Variants in RBFOX1 observed in about 807,000 individuals in gnomAD.
RBFOX1 encodes RNA binding protein fox-1 homolog 1.
A neutral mutation model predicts 57.7 loss-of-function variants in RBFOX1; 8 were observed. The ratio of observed to expected loss-of-function variants is 0.14; its 90% CI spans 0.08 to 0.25. RBFOX1 has a LOEUF of 0.25. Among genes scored for constraint, RBFOX1 ranks in the 10% least tolerant of loss-of-function variants. The probability of loss-of-function intolerance (pLI) is 1.00; values close to 1 mark genes in which losing one functional copy is unlikely to be tolerated. For missense variants in RBFOX1, 611 were observed against 548.5 expected (o/e 1.11, Z -1.14); for synonymous variants, 326 against 222.4 (o/e 1.47, Z -4.15).
intron 1 of RBFOX1, among the ~76,000 whole-genome samples, chr16:6,315,010 G>A (rs901096118): frequency 6.6e-6 from 1 of 152,210 alleles, no homozygotes; most frequent in Non-Finnish European, 1.5e-5. Flanking sequence ...CCACTGGACT[G>A]TAGGCACCAA....
intron 3 of RBFOX1, among the ~76,000 whole-genome samples, chr16:5,656,282 A>G (rs2049427918): frequency 6.6e-6 from 1 of 152,164 alleles, no homozygotes; most frequent in East Asian, 1.9e-4. Context: ...AGGATGAAAA[A>G]AGTAATGTCT....
intron 11 of RBFOX1, among the ~76,000 whole-genome samples, chr16:7,641,576 G>A (rs918634663): frequency 6.6e-6 from 1 of 152,140 alleles, no homozygotes; most frequent in African/African-American, 2.4e-5. Context: ...AAACAGAAAG[G>A]CACAACCATC....
chr16:6,900,317 C>T (rs1248207233), intron 3 of RBFOX1, among the ~76,000 whole-genome samples: 1 of 152,184 alleles, frequency 6.6e-6, no homozygotes, highest in Non-Finnish European at 1.5e-5. Flanking sequence ...TTCCAAGTTG[C>T]CATCATCTCC....
At chr16:6,717,583 C>CTT (rs57111084) in intron 3 of RBFOX1, among the ~76,000 whole-genome samples, 11,572 of 143,004 alleles carry the variant, frequency 0.081, 627 homozygotes, top group East Asian at 0.32. Flanking sequence ...ATGCTGAAGT[C>CTT]TTTTTTTTTT....
chr16:6,172,381 C>T (rs149410509), intron 1 of RBFOX1, among the ~76,000 whole-genome samples: 5 of 152,316 alleles, frequency 3.3e-5, no homozygotes, highest in African/African-American at 7.2e-5. Flanking sequence ...AGCCCAACCT[C>T]TGCTTCATCT....
At chr16:7,576,686 A>G (rs2152815416) in intron 5 of RBFOX1, among the ~76,000 whole-genome samples, 1 of 152,360 alleles carries the variant, frequency 6.6e-6, no homozygotes, top group African/African-American at 2.4e-5. Flanking sequence ...TTTTCACATG[A>G]GCGGTATAAT....
chr16:5,994,067 T>C (rs894888466), intron 4 of RBFOX1, among the ~76,000 whole-genome samples: 3 of 152,156 alleles, frequency 2.0e-5, no homozygotes, highest in Non-Finnish European at 4.4e-5. Flanking sequence ...TGATGCAGGA[T>C]GGGAATGGAG....
At chr16:7,572,566 G>A (rs1229628651) in intron 5 of RBFOX1, among the ~76,000 whole-genome samples, 9 of 152,142 alleles carry the variant, frequency 5.9e-5, no homozygotes, top group African/African-American at 9.7e-5. Flanking sequence ...TAGGCTGGGC[G>A]CGGTGGCTCA....
intron 2 of RBFOX1, among the ~76,000 whole-genome samples, chr16:6,598,237 G>C (rs2097797635): frequency 6.6e-6 from 1 of 152,138 alleles, no homozygotes; most frequent in Non-Finnish European, 1.5e-5. Flanking sequence ...TTTCTAACTT[G>C]CCTTTTTTTC....
At chr16:6,856,313 C>G (rs1001459552) in intron 3 of RBFOX1, among the ~76,000 whole-genome samples, 1 of 152,094 alleles carries the variant, frequency 6.6e-6, no homozygotes, top group African/African-American at 2.4e-5. Flanking sequence ...GTTCTATTCC[C>G]AATTCATATT....
At chr16:5,246,147 C>T (rs566047356) in intron 1 of RBFOX1, among the ~76,000 whole-genome samples, 1 of 152,266 alleles carries the variant, frequency 6.6e-6, no homozygotes, top group African/African-American at 2.4e-5. Context: ...GAGGCTGAGG[C>T]AGGAGAATCA....
chr16:6,965,731 A>G (rs1034781963), intron 3 of RBFOX1, among the ~76,000 whole-genome samples: 4 of 152,216 alleles, frequency 2.6e-5, no homozygotes, highest in African/African-American at 4.8e-5. Context: ...CCAAATGGGA[A>G]TGATAATAAT....
At chr16:6,316,179 C>A (rs755055402) in intron 1 of RBFOX1, among the ~76,000 whole-genome samples, 1 of 149,116 alleles carries the variant, frequency 6.7e-6, no homozygotes, top group South Asian at 2.1e-4. Context: ...AGTATCCCAA[C>A]CCCCTTGGGT....
intron 3 of RBFOX1, among the ~76,000 whole-genome samples, chr16:6,915,873 A>G (rs1441830459): frequency 6.6e-6 from 1 of 152,132 alleles, no homozygotes; most frequent in African/African-American, 2.4e-5. Context: ...TTATAGTTGA[A>G]TAATTCTCCT....
At chr16:6,406,944 C>T (rs1017309527) in intron 2 of RBFOX1, among the ~76,000 whole-genome samples, 4 of 152,164 alleles carry the variant, frequency 2.6e-5, no homozygotes, top group Non-Finnish European at 5.9e-5. Flanking sequence ...TGCTGCCCAT[C>T]GGTAAAATGG....
At chr16:6,286,777 T>C (rs1341643030) in intron 1 of RBFOX1, among the ~76,000 whole-genome samples, 1 of 152,160 alleles carries the variant, frequency 6.6e-6, no homozygotes, top group South Asian at 2.1e-4. Context: ...CCAGTAGGTC[T>C]TTATACAAGG....
chr16:7,063,033 G>C (rs1190809492), intron 4 of RBFOX1, among the ~76,000 whole-genome samples: 2 of 149,474 alleles, frequency 1.3e-5, no homozygotes, highest in Non-Finnish European at 3.0e-5. Context: ...CAAGAGTTTG[G>C]TTAAAGGTTT....
intron 3 of RBFOX1, among the ~76,000 whole-genome samples, chr16:6,730,691 G>A (rs2068343312): frequency 6.6e-6 from 1 of 152,320 alleles, no homozygotes; most frequent in East Asian, 1.9e-4. Context: ...TAGATGAAAT[G>A]CCACTGTCCA....
intron 4 of RBFOX1, among the ~76,000 whole-genome samples, chr16:7,402,473 T>G (rs1238751703): frequency 2.0e-5 from 3 of 152,190 alleles, no homozygotes; most frequent in African/African-American, 7.2e-5. Context: ...CATTTGAGAA[T>G]TTCTGCCGAG....
Sources: gnomAD v4.1 joint callset for allele counts (sites outside exome capture counted in the v4.1 genomes callset) on GRCh38, gnomAD v4.1.1 for gene constraint, MANE v1.5 for transcripts, NCBI Gene and HGNC (gene_info 2026-07-23, HGNC 2026-07-21) for gene names.